The following PIK3CD variants were observed in gnomAD, a reference collection of about 807,000 sequenced individuals.
The protein encoded by PIK3CD is phosphatidylinositol 4,5-bisphosphate 3-kinase catalytic subunit delta isoform.
In PIK3CD, 20 loss-of-function variants were observed where a neutral mutation model predicts 122.9. The ratio of observed to expected loss-of-function variants is 0.16; its 90% CI spans 0.11 to 0.24. The LOEUF (loss-of-function observed/expected upper bound fraction) is 0.24. Ranked by LOEUF, PIK3CD falls within the 10% of genes least tolerant of loss-of-function variation. The probability of loss-of-function intolerance (pLI) is 1.00; values close to 1 mark genes in which losing one functional copy is unlikely to be tolerated. For synonymous variants in PIK3CD, 596 were observed against 593.4 expected (o/e 1.00, Z -0.06); for missense variants, 787 against 1,406.3 (o/e 0.56, Z 7.04).
the PIK3CD span, among the ~76,000 whole-genome samples, chr1:9,638,900 G>A: frequency 6.6e-6 from 1 of 151,382 alleles, no homozygotes; most frequent in East Asian, 2.0e-4. Context: ...CTCAGCCTCA[G>A]GAGGAGCTGG....
chr1:9,697,735 A>G (rs1570280801), intron 2 of PIK3CD, among the ~76,000 whole-genome samples: 1 of 151,814 alleles, frequency 6.6e-6, no homozygotes, highest in African/African-American at 2.4e-5. Flanking sequence ...CCTGTCTCTA[A>G]AACAAAAAAA....
intron 1 of PIK3CD, among the ~76,000 whole-genome samples, chr1:9,673,303 C>A (rs12059589): frequency 0.048 from 7,329 of 151,832 alleles, 441 homozygotes; most frequent in African/African-American, 0.14. Flanking sequence ...TCTGTCGCCC[C>A]GGCTGGCGTG....
Position 9,728,517 on chromosome 1 carries a change from GC to G in PIK3CD, c.*1474del, listed in dbSNP as rs1650043980. The G allele has an allele frequency of 6.6e-6, 1 of 152,258 alleles. No individual in the cohort carries two copies. Among genetic ancestry groups the G allele is most frequent in the Non-Finnish European group, 1.5e-5 (1 of 68,064 alleles). 9.4% of individuals were successfully genotyped at this position (152,258 alleles called of 1,614,324 possible). On this transcript the variant is annotated 3_prime_UTR_variant, in exon 24 of 24. Coordinates refer to ENST00000377346, the MANE Select transcript of PIK3CD (RefSeq NM_005026.5). ...AAACTCAACAGAGCCAGAAGTAGCC[GC>G]CCGCTCAGCGGCTCAGGTGCCAGCT...
Position 9,723,876 on chromosome 1 carries a change from G to A in PIK3CD, c.2595-93G>A, listed in dbSNP as rs1649078389. 6 of 1,168,834 alleles carry A rather than the reference G, an allele frequency of 5.1e-6. No individual in the cohort carries two copies. Among genetic ancestry groups the A allele is most frequent in the African/African-American group, 3.0e-5 (2 of 66,138 alleles). The allele number at this position is 1,168,834 out of a possible 1,614,324, so 72.4% of individuals were successfully genotyped here. A position where few individuals can be genotyped will look rare whatever the true frequency, so the allele number is the denominator to read the frequency against. Reference sequence around the variant, plus strand: ...TCTGTTGGTCAAAGCAAGTCACAGGGCCAGATTCAAGGGGAGAGGGAGTAA... The same window carrying A: ...TCTGTTGGTCAAAGCAAGTCACAGGACCAGATTCAAGGGGAGAGGGAGTAA... On this transcript the variant is annotated intron_variant, in intron 20 of 23. Coordinates refer to ENST00000377346, the MANE Select transcript of PIK3CD (RefSeq NM_005026.5). The surrounding 1 kb of genome is among the most constrained non-coding windows in gnomAD (Gnocchi z 4.9).
the PIK3CD span, among the ~76,000 whole-genome samples, chr1:9,640,838 A>G: frequency 6.6e-6 from 1 of 152,008 alleles, no homozygotes; most frequent in East Asian, 1.9e-4. Flanking sequence ...CCTCCTTGCT[A>G]TCTGCACCCA....
chr1:9,721,800 C>G lies in PIK3CD; in HGVS notation c.1995C>G (p.Gly665=). The change falls in exon 16 of 24, where the codon GGC becomes GGG. Residue 665 remains glycine, a synonymous_variant. Coordinates refer to ENST00000377346, the MANE Select transcript of PIK3CD (RefSeq NM_005026.5). ...TGCCGTCGGTGGCCCTGCGCTTCGG[C>G]CTCATCCTGGAGGCCTACTGCAGGG... ...MHVPSVALRF[G]LILEAYCRGS... 1 of 1,613,272 alleles carries G rather than the reference C, an allele frequency of 6.2e-7. No homozygotes were observed. The highest frequency in any genetic ancestry group is 8.5e-7 in the Non-Finnish European group (1 of 1,179,948).
chr1:9,669,979 G>A (rs1164958438), intron 1 of PIK3CD, among the ~76,000 whole-genome samples: 1 of 152,010 alleles, frequency 6.6e-6, no homozygotes, highest in Admixed American at 6.6e-5. Context: ...TTCGAGACCA[G>A]CCTGGCCAAC....
chr1:9,659,864 T>C (rs760918107), intron 1 of PIK3CD, among the ~76,000 whole-genome samples: 1 of 152,094 alleles, frequency 6.6e-6, no homozygotes, highest in Non-Finnish European at 1.5e-5. Flanking sequence ...AATTCTCCTG[T>C]CTCGGCCTCC....
chr1:9,643,460 G>A, the PIK3CD span, among the ~76,000 whole-genome samples: 1 of 124,332 alleles, frequency 8.0e-6, no homozygotes, highest in Non-Finnish European at 1.7e-5. Context: ...GGAAGGGAGG[G>A]AGGGAGGGAA....
At position 9,727,971 on chromosome 1, in the gene PIK3CD, A is replaced by C. The variant is rs113937045; in HGVS notation, c.*925A>C. ...AGGTGTGCACCACCGTACCCAGCTA[A>C]TTTTTGTATTTTAGTAGAGACGGGG... On this transcript the variant is annotated 3_prime_UTR_variant, in exon 24 of 24. Coordinates refer to ENST00000377346, the MANE Select transcript of PIK3CD (RefSeq NM_005026.5). 690 of 161,762 alleles carry C rather than the reference A, an allele frequency of 4.3e-3. 1 individual carries two copies. The highest frequency in any genetic ancestry group is 0.011 in the Middle Eastern group (4 of 370). The allele number at this position is 161,762 out of a possible 1,614,324, so 10.0% of individuals were successfully genotyped here. A position where few individuals can be genotyped will look rare whatever the true frequency, so the allele number is the denominator to read the frequency against.
chr1:9,725,825 C>T lies in PIK3CD; in HGVS notation c.2997+889C>T, dbSNP rs144707351. ...CTGGGAGGCAGAAGTTGCAGTGAGC[C>T]GAGATCATGCCACTGCACTCTAGCC... is the stretch of plus-strand genomic sequence containing the variant. On this transcript the variant is annotated intron_variant, in intron 23 of 23. Transcript: ENST00000377346. Among the ~76,000 whole-genome samples the T allele has an allele frequency of 6.0e-4, 91 of 151,950 alleles. 1 individual carries two copies. The highest frequency in any genetic ancestry group is 2.1e-3 in the African/African-American group (86 of 41,430).
intron 1 of PIK3CD, among the ~76,000 whole-genome samples, chr1:9,687,808 GTGAA>G (rs1334520808): frequency 1.3e-5 from 2 of 152,232 alleles, no homozygotes; most frequent in Non-Finnish European, 2.9e-5. Flanking sequence ...GTCTTTTTGA[GTGAA>G]TGTCTGTGTG....
In PIK3CD at chr1:9,658,385, C is replaced by CAAA. The variant is rs58808659; in HGVS notation, c.-138+6599_-138+6601dup. 2.2e-3 allele frequency among the ~76,000 whole-genome samples: 177 copies of CAAA among 81,552 alleles called. 5 individuals are homozygous for CAAA. The East Asian group carries it at 0.029, about 13-fold the overall frequency. The allele number at this position is 81,552 out of a possible 152,430, so 53.5% of individuals were successfully genotyped here. On this transcript the variant is annotated intron_variant, in intron 1 of 23. Transcript: ENST00000377346. ...TGCGTGACAGAGCGAGACCCTGTCT[C>CAAA]AAAAAAAAAAAAAAAAAAGTCATTT...
In PIK3CD at chr1:9,663,904, C is replaced by T. The variant is rs976225605; in HGVS notation, c.-138+12102C>T. On this transcript the variant is annotated intron_variant, in intron 1 of 23. Coordinates refer to ENST00000377346, the MANE Select transcript of PIK3CD (RefSeq NM_005026.5). ...CAGCTTCATCCATGTCCCTACAAAG[C>T]ACATGAACTCATCCTTTTTTATGGC... Among the ~76,000 whole-genome samples, 7 of 151,982 alleles carry T rather than the reference C, an allele frequency of 4.6e-5. No homozygotes were observed. The South Asian group carries it at 1.2e-3, about 27-fold the overall frequency.
In PIK3CD at chr1:9,723,106, C is replaced by T; in HGVS notation, c.2427-19C>T. 2 of 1,612,810 alleles carry T rather than the reference C, an allele frequency of 1.2e-6. No individual in the cohort carries two copies. Among genetic ancestry groups the T allele is most frequent in the Non-Finnish European group, 1.7e-6 (2 of 1,179,632 alleles). On this transcript the variant is annotated intron_variant, in intron 19 of 23. Coordinates refer to ENST00000377346, the MANE Select transcript of PIK3CD (RefSeq NM_005026.5). The surrounding 1 kb of genome is among the most constrained non-coding windows in gnomAD (Gnocchi z 4.9). ...CCCTTGACCATGCCATTTGCCCGTC[C>T]CTCTTCCCCCTTGCCTAGGATGACC...
chr1:9,689,901 G>A lies in PIK3CD; in HGVS notation c.-137-1566G>A, dbSNP rs1320462181. 1.3e-5 allele frequency among the ~76,000 whole-genome samples: 2 copies of A among 152,058 alleles called. No homozygotes were observed. The highest frequency in any genetic ancestry group is 1.9e-4 in the East Asian group (1 of 5,134). ...TTGGGGGGCCGAGGCAGGGGGTTGCGTTCGCGGTGGGATTCTCAGCTATGG... is the reference window on the plus strand; with the variant it reads ...TTGGGGGGCCGAGGCAGGGGGTTGCATTCGCGGTGGGATTCTCAGCTATGG... On this transcript the variant is annotated intron_variant, in intron 1 of 23. Transcript: ENST00000377346. The surrounding 1 kb of genome is among the most constrained non-coding windows in gnomAD (Gnocchi z 6.1).
At chr1:9,691,363 G>C (rs1646189913) in intron 1 of PIK3CD, 104 bp from the exon 2 acceptor site, 1 of 392,592 alleles carries the variant, frequency 2.5e-6, no homozygotes, top group African/African-American at 2.1e-5. Context: ...CCTAGATGAA[G>C]CAGTTGATTT....
the PIK3CD span, among the ~76,000 whole-genome samples, chr1:9,628,297 A>G: frequency 6.6e-6 from 1 of 152,108 alleles, no homozygotes; most frequent in African/African-American, 2.4e-5. Flanking sequence ...GTGAGACTCC[A>G]TCTCAAAAAG....
At chr1:9,627,288 C>T in the PIK3CD span, among the ~76,000 whole-genome samples, 3,639 of 152,340 alleles carry the variant, frequency 0.024, 158 homozygotes, top group African/African-American at 0.081. Flanking sequence ...CCTAAGGCTC[C>T]GGGCACCCGG....
Sources: gnomAD v4.1 joint callset for allele counts (sites outside exome capture counted in the v4.1 genomes callset) on GRCh38, gnomAD v4.1.1 for gene constraint, Gnocchi (gnomAD v3.1) non-coding constraint, MANE v1.5 for transcripts, NCBI Gene and HGNC (gene_info 2026-07-23, HGNC 2026-07-21) for gene names.